Variants in GRIN2A observed in about 807,000 individuals in gnomAD.
GRIN2A encodes glutamate ionotropic receptor NMDA type subunit 2A.
GRIN2A carries 22 observed loss-of-function variants against 113.4 expected under a neutral mutation model. The ratio of observed to expected loss-of-function variants is 0.19; its 90% CI spans 0.14 to 0.28. The LOEUF is 0.28. GRIN2A is among the 10% of genes least tolerant of loss of function. The pLI is 1.00. For synonymous variants in GRIN2A, 827 were observed against 738.4 expected, an observed-to-expected ratio of 1.12 and a Z score of -1.94; for missense variants, 1,502 against 1,887.0, an observed-to-expected ratio of 0.80 and a Z score of 3.78.
intron 4 of GRIN2A, among the ~76,000 whole-genome samples, chr16:9,883,884 T>C (rs952826305): frequency 1.3e-5 from 2 of 152,196 alleles, no homozygotes; most frequent in Non-Finnish European, 2.9e-5. Context: ...GACATTTCCT[T>C]CAGGAAGACA....
intron 2 of GRIN2A, among the ~76,000 whole-genome samples, chr16:10,082,491 G>C (rs1247649874): frequency 6.6e-6 from 1 of 152,232 alleles, no homozygotes; most frequent in African/African-American, 2.4e-5. Flanking sequence ...TATGGTAAAA[G>C]TGACAAGATT....
At chr16:9,962,055 C>G (rs2141706279) in intron 2 of GRIN2A, among the ~76,000 whole-genome samples, 1 of 152,200 alleles carries the variant, frequency 6.6e-6, no homozygotes, top group African/African-American at 2.4e-5. Flanking sequence ...AACTGCCTAG[C>G]CATATGTAGA....
intron 2 of GRIN2A, among the ~76,000 whole-genome samples, chr16:10,113,700 G>A (rs2048671163): frequency 6.6e-6 from 1 of 152,110 alleles, no homozygotes; most frequent in African/African-American, 2.4e-5. Flanking sequence ...TATATCTTAT[G>A]TACTTGTATA....
intron 2 of GRIN2A, among the ~76,000 whole-genome samples, chr16:10,098,475 G>C (rs1255978295): frequency 6.6e-6 from 1 of 152,132 alleles, no homozygotes; most frequent in African/African-American, 2.4e-5. Flanking sequence ...AGGAAAAGAA[G>C]TCATTATACC....
At chr16:10,064,141 A>G (rs1166693942) in intron 2 of GRIN2A, among the ~76,000 whole-genome samples, 1 of 152,214 alleles carries the variant, frequency 6.6e-6, no homozygotes, top group Non-Finnish European at 1.5e-5. Flanking sequence ...ATAGAATTGA[A>G]CTGACTTTGT....
chr16:9,963,318 G>C (rs2045480027), intron 2 of GRIN2A, among the ~76,000 whole-genome samples: 1 of 151,996 alleles, frequency 6.6e-6, no homozygotes, highest in South Asian at 2.1e-4. Flanking sequence ...AGCATGTGCA[G>C]GTTTGTTACA....
At chr16:9,951,095 A>G (rs1017282577) in intron 2 of GRIN2A, among the ~76,000 whole-genome samples, 1 of 152,050 alleles carries the variant, frequency 6.6e-6, no homozygotes, top group Non-Finnish European at 1.5e-5. Flanking sequence ...ATTCTCCCAT[A>G]TATTCAGATA....
chr16:10,040,623 C>T (rs945577643), intron 2 of GRIN2A, among the ~76,000 whole-genome samples: 2 of 152,092 alleles, frequency 1.3e-5, no homozygotes, highest in African/African-American at 2.4e-5. Flanking sequence ...CACAACTACG[C>T]ACACATAAAT....
intron 2 of GRIN2A, among the ~76,000 whole-genome samples, chr16:9,953,380 C>T (rs1007795247): frequency 6.6e-6 from 1 of 152,112 alleles, no homozygotes; most frequent in Non-Finnish European, 1.5e-5. Context: ...ACAGTAGCCA[C>T]TCTGTAAATG....
chr16:10,114,163 C>T (rs908807164), intron 2 of GRIN2A, among the ~76,000 whole-genome samples: 4 of 152,128 alleles, frequency 2.6e-5, no homozygotes, highest in Non-Finnish European at 2.9e-5. Context: ...TGCACTCCAG[C>T]CTGGGCAACA....
intron 2 of GRIN2A, among the ~76,000 whole-genome samples, chr16:10,109,312 G>C (rs2048562627): frequency 1.3e-5 from 2 of 150,748 alleles, no homozygotes; most frequent in Admixed American, 6.6e-5. Context: ...AGGCCCAGAT[G>C]TCTTCTCTGC....
intron 2 of GRIN2A, among the ~76,000 whole-genome samples, chr16:10,066,073 C>G (rs2047642907): frequency 6.6e-6 from 1 of 152,186 alleles, no homozygotes; most frequent in Admixed American, 6.5e-5. Flanking sequence ...TCCATCTCAC[C>G]CCCAGCACAT....
chr16:9,858,815 C>T (rs754994446), intron 4 of GRIN2A, among the ~76,000 whole-genome samples: 4 of 151,944 alleles, frequency 2.6e-5, no homozygotes, highest in Non-Finnish European at 5.9e-5. Flanking sequence ...CTCTTATGTC[C>T]GGATAAATTC....
chr16:9,893,292 A>AT (rs1473909405), intron 3 of GRIN2A, among the ~76,000 whole-genome samples: 3 of 152,142 alleles, frequency 2.0e-5, no homozygotes, highest in Non-Finnish European at 2.9e-5. Flanking sequence ...GGTATTTTTC[A>AT]TTTTTTTGTG....
chr16:9,904,433 G>A (rs376536959), intron 3 of GRIN2A, among the ~76,000 whole-genome samples: 29 of 152,194 alleles, frequency 1.9e-4, no homozygotes, highest in South Asian at 1.7e-3. Context: ...GTGCAGCAGC[G>A]TGATCTCAGC....
At chr16:10,011,788 C>T (rs1306018516) in intron 2 of GRIN2A, among the ~76,000 whole-genome samples, 1 of 152,146 alleles carries the variant, frequency 6.6e-6, no homozygotes, top group Non-Finnish European at 1.5e-5. Flanking sequence ...GTTCACCAAG[C>T]ATCGTTCAGG....
At chr16:10,024,108 C>A (rs866329651) in intron 2 of GRIN2A, among the ~76,000 whole-genome samples, 2 of 152,226 alleles carry the variant, frequency 1.3e-5, no homozygotes, top group African/African-American at 4.8e-5. Context: ...CCCTAGGACA[C>A]ACAAGGGCTC....
In GRIN2A at chr16:9,815,510, A is replaced by G. The variant is rs528007635; in HGVS notation, c.2168+6754T>C. 1.2e-4 allele frequency among the ~76,000 whole-genome samples: 18 copies of G among 152,242 alleles called. No homozygotes were observed. In the South Asian group the frequency reaches 3.3e-3, roughly 28 times the overall value. ...TCAAAAGAATAAATACAATTGCCCA[A>G]TAAGCAGGTAAAAAGCGCTCGATAC... On this transcript the variant is annotated intron_variant, in intron 10 of 12. Coordinates refer to ENST00000330684, the MANE Select transcript of GRIN2A (RefSeq NM_001134407.3).
At chr16:9,901,226 T>C (rs1315239149) in intron 3 of GRIN2A, among the ~76,000 whole-genome samples, 3 of 151,618 alleles carry the variant, frequency 2.0e-5, no homozygotes, top group South Asian at 2.1e-4. Flanking sequence ...GTCTCAACTC[T>C]CTGTCTTTTT....
Sources: gnomAD v4.1 joint callset for allele counts (sites outside exome capture counted in the v4.1 genomes callset) on GRCh38, gnomAD v4.1.1 for gene constraint, MANE v1.5 for transcripts, NCBI Gene and HGNC (gene_info 2026-07-23, HGNC 2026-07-21) for gene names.